Variants in SLC38A8 observed in about 807,000 individuals in gnomAD.
SLC38A8 encodes the protein solute carrier family 38 member 8.
A neutral mutation model predicts 46.0 loss-of-function variants in SLC38A8; 65 were observed. The observed-to-expected ratio is 1.41, with a 90% confidence interval of 1.16 to 1.74. SLC38A8 has a LOEUF of 1.74. Ranked by LOEUF, SLC38A8 falls within the 40% of genes most tolerant of loss-of-function variation. SLC38A8 has a pLI of 0.00. For missense variants in SLC38A8, 998 were observed against 567.9 expected, an observed-to-expected ratio of 1.76 and a Z score of -7.70; for synonymous variants, 447 against 243.7, an observed-to-expected ratio of 1.83 and a Z score of -7.77.
intron 4 of SLC38A8, among the ~76,000 whole-genome samples, chr16:84,032,645 G>C (rs1480097492): frequency 1.3e-5 from 2 of 152,210 alleles, no homozygotes; most frequent in African/African-American, 4.8e-5. Flanking sequence ...CCCCTGGCTT[G>C]GTCTGAGTGG....
chr16:84,038,248 T>G (rs140041094), intron 2 of SLC38A8, among the ~76,000 whole-genome samples: 6,758 of 151,986 alleles, frequency 0.044, 278 homozygotes, highest in African/African-American at 0.11. Flanking sequence ...GAGGCGGAAG[T>G]TGCAGTAAGC....
chr16:84,022,172 C>G (rs991565279), intron 7 of SLC38A8, among the ~76,000 whole-genome samples: 2 of 152,198 alleles, frequency 1.3e-5, no homozygotes. Flanking sequence ...GAGAGATTCA[C>G]TGCAGCCCAA....
At chr16:84,019,869 C>G (rs73240283) in intron 7 of SLC38A8, among the ~76,000 whole-genome samples, 3,657 of 152,366 alleles carry the variant, frequency 0.024, 118 homozygotes, top group African/African-American at 0.083. Context: ...ACTCAAGCGT[C>G]AAGCTGGAGG....
chr16:84,035,494 G>C (rs960026745), intron 3 of SLC38A8, among the ~76,000 whole-genome samples: 1 of 152,186 alleles, frequency 6.6e-6, no homozygotes, highest in Non-Finnish European at 1.5e-5. Context: ...GTCTGAGACT[G>C]TCAAGTTGGA....
intron 3 of SLC38A8, among the ~76,000 whole-genome samples, chr16:84,036,148 T>C (rs35514444): frequency 0.21 from 31,694 of 152,154 alleles, 3,566 homozygotes; most frequent in South Asian, 0.27. Context: ...TCCTCAATAA[T>C]TGTCAATTAA....
At chr16:84,015,900 A>G (rs1339118456) in intron 9 of SLC38A8, among the ~76,000 whole-genome samples, 1 of 151,866 alleles carries the variant, frequency 6.6e-6, no homozygotes, top group Non-Finnish European at 1.5e-5. Context: ...GCTGGTCTCG[A>G]CCTCCTGACC....
At chr16:84,030,883 C>T (rs1400820565) in intron 5 of SLC38A8, among the ~76,000 whole-genome samples, 2 of 152,106 alleles carry the variant, frequency 1.3e-5, no homozygotes, top group African/African-American at 2.4e-5. Flanking sequence ...CTGGGAAATC[C>T]GATCTCAAGC....
intron 4 of SLC38A8, among the ~76,000 whole-genome samples, chr16:84,033,112 G>A (rs550854411): frequency 1.3e-5 from 2 of 152,290 alleles, no homozygotes; most frequent in East Asian, 3.9e-4. Context: ...GAAATAAACT[G>A]AGTAGCACTG....
At chr16:84,040,135 T>TC (rs2085351999) in intron 2 of SLC38A8, 2 of 152,182 alleles carry the variant, frequency 1.3e-5, no homozygotes, top group Non-Finnish European at 2.9e-5. Context: ...TGCAGAAGCC[T>TC]CACCAGCTAA....
intron 6 of SLC38A8, among the ~76,000 whole-genome samples, chr16:84,025,337 C>G (rs969511703): frequency 6.6e-6 from 1 of 152,168 alleles, no homozygotes; most frequent in African/African-American, 2.4e-5. Context: ...TCCCTCCGCG[C>G]CTCAGGGCCT....
At chr16:84,021,815 A>C (rs902779267) in intron 7 of SLC38A8, among the ~76,000 whole-genome samples, 1 of 152,242 alleles carries the variant, frequency 6.6e-6, no homozygotes, top group African/African-American at 2.4e-5. Flanking sequence ...ATGGAGATTG[A>C]GAAGTCCAGG....
intron 6 of SLC38A8, among the ~76,000 whole-genome samples, chr16:84,026,177 G>A (rs1383963288): frequency 6.6e-6 from 1 of 152,262 alleles, no homozygotes; most frequent in East Asian, 1.9e-4. Context: ...TTGGTGGGCA[G>A]GAGGGTGCCT....
At chr16:84,015,374 T>TCGCAGAAA (rs1456702064) in intron 9 of SLC38A8, among the ~76,000 whole-genome samples, 5 of 152,094 alleles carry the variant, frequency 3.3e-5, no homozygotes, top group African/African-American at 4.8e-5. Context: ...AAACCATCCT[T>TCGCAGAAA]CGCAGAAACG....
At chr16:84,016,799 A>C in intron 8 of SLC38A8, 72 bp from the exon 9 acceptor site, 1 of 1,496,782 alleles carries the variant, frequency 6.7e-7, no homozygotes, top group Non-Finnish European at 9.1e-7. Flanking sequence ...GCTGCTCCCC[A>C]GTCCTCCAGG....
chr16:84,030,679 TTCTCTC>T (rs891307271), intron 5 of SLC38A8, among the ~76,000 whole-genome samples: 1 of 152,190 alleles, frequency 6.6e-6, no homozygotes, highest in African/African-American at 2.4e-5. Flanking sequence ...CTTGACTTTC[TTCTCTC>T]TCTTACTCAC....
intron 8 of SLC38A8, among the ~76,000 whole-genome samples, chr16:84,016,934 G>A (rs2085034362): frequency 6.6e-6 from 1 of 152,216 alleles, no homozygotes; most frequent in African/African-American, 2.4e-5. Context: ...GAAGCACGTG[G>A]TTCGCATTCC....
intron 6 of SLC38A8, among the ~76,000 whole-genome samples, chr16:84,029,253 A>T (rs1485594557): frequency 6.6e-6 from 1 of 152,174 alleles, no homozygotes; most frequent in Non-Finnish European, 1.5e-5. Context: ...TTTGGCCATC[A>T]GTGGGGGCTG....
intron 2 of SLC38A8, chr16:84,041,061 G>C (rs2085361642): frequency 6.6e-6 from 1 of 152,256 alleles, no homozygotes; most frequent in African/African-American, 2.4e-5. Flanking sequence ...CGGCCAAAGA[G>C]CTTACCACAA....
chr16:84,021,859 C>T (rs1390799619), intron 7 of SLC38A8, among the ~76,000 whole-genome samples: 1 of 152,194 alleles, frequency 6.6e-6, no homozygotes, highest in East Asian at 1.9e-4. Flanking sequence ...AGCCTTCTTG[C>T]CGGAGGGGAC....
Sources: allele counts gnomAD v4.1 joint callset (sites outside exome capture counted in the v4.1 genomes callset), GRCh38; gene constraint gnomAD v4.1.1; transcripts MANE v1.5; gene names NCBI Gene and HGNC (gene_info 2026-07-23, HGNC 2026-07-21).